Variants in MYO18B observed in about 807,000 individuals in gnomAD.
The protein encoded by MYO18B is unconventional myosin-XVIIIb.
A neutral mutation model predicts 273.0 loss-of-function variants in MYO18B; 204 were observed. The observed-to-expected ratio is 0.75, with a 90% confidence interval of 0.67 to 0.84. The LOEUF (loss-of-function observed/expected upper bound fraction) is 0.84, where lower values mean the gene tolerates loss of function less well. MYO18B is among the 40% of genes least tolerant of loss of function. The pLI is 0.00. For synonymous variants in MYO18B, 1,330 were observed against 1,305.7 expected (o/e 1.02, Z -0.40); for missense variants, 3,212 against 3,287.6 (o/e 0.98, Z 0.56).
chr22:26,044,988 G>A, the MYO18B span, among the ~76,000 whole-genome samples: 1 of 152,074 alleles, frequency 6.6e-6, no homozygotes, highest in Admixed American at 6.5e-5. Context: ...TATGCCCTTG[G>A]GTTGTCATGT....
At chr22:25,792,500 T>TC (rs1320973016) in intron 11 of MYO18B, among the ~76,000 whole-genome samples, 2 of 128,202 alleles carry the variant, frequency 1.6e-5, no homozygotes, top group South Asian at 2.8e-4. Flanking sequence ...TTCTTTTCTT[T>TC]TTTTTTTTTT....
intron 34 of MYO18B, among the ~76,000 whole-genome samples, chr22:25,931,735 T>A (rs1247442304): frequency 6.8e-6 from 1 of 146,996 alleles, no homozygotes; most frequent in Non-Finnish European, 1.5e-5. Flanking sequence ...AAGGCTAGAG[T>A]GCAGTGGCTC....
At chr22:25,783,902 A>G (rs1259051855) in intron 10 of MYO18B, among the ~76,000 whole-genome samples, 3 of 152,122 alleles carry the variant, frequency 2.0e-5, no homozygotes, top group East Asian at 1.9e-4. Flanking sequence ...TGATCCCCCA[A>G]TTACTTCCCT....
At chr22:25,828,681 C>G in intron 14 of MYO18B, 95 bp from the exon 15 acceptor site, 1 of 1,235,350 alleles carries the variant, frequency 8.1e-7, no homozygotes, top group Admixed American at 2.0e-5. Flanking sequence ...AAGAGGTGAG[C>G]TTGGTTTTGA....
At chr22:25,964,108 C>T (rs1187879278) in intron 39 of MYO18B, 1 of 152,308 alleles carries the variant, frequency 6.6e-6, no homozygotes, top group Non-Finnish European at 1.5e-5. Flanking sequence ...AAGACTGGTC[C>T]TCCTCTATCA....
chr22:25,955,279 A>G lies in MYO18B; in HGVS notation c.6071A>G (p.Tyr2024Cys). 6.2e-7 allele frequency: 1 copy of G among 1,613,628 alleles called. No individual in the cohort carries two copies. The highest frequency in any genetic ancestry group is 8.5e-7 in the Non-Finnish European group (1 of 1,179,806). ...ESQQRESSQY[Y>C]QRRLEELKAD... The stretch of plus-strand genomic sequence containing the variant: ...CAGCAGCGGGAGAGCAGCCAGTACT[A>G]CCAGCGGCGCCTGGAAGAGCTGAAG... Residue 2024 changes from tyrosine to cysteine, a missense_variant, in exon 39 of 44, where the codon TAC becomes TGC. Coordinates refer to ENST00000335473, the MANE Select transcript of MYO18B (RefSeq NM_032608.7).
intron 12 of MYO18B, among the ~76,000 whole-genome samples, chr22:25,821,767 T>TC (rs2089290677): frequency 2.0e-5 from 3 of 151,926 alleles, no homozygotes; most frequent in Admixed American, 1.3e-4. Flanking sequence ...AGAGTGAGAC[T>TC]CCATCTCAAA....
Position 25,950,535 on chromosome 22 carries a change from T to C in MYO18B, c.5832+85T>C, listed in dbSNP as rs1601664926. ...CTAATAGGATGTGTGTGTGTGTGTG[T>C]GTGTGTGTGTGTGTGTATGAGTTTA... is the stretch of plus-strand genomic sequence containing the variant. On this transcript the variant is annotated intron_variant, in intron 37 of 43. Transcript: ENST00000335473. The C allele has an allele frequency of 1.4e-5, 10 of 697,060 alleles. No individual in the cohort carries two copies. The East Asian group carries it at 2.8e-4, about 20-fold the overall frequency. 43.2% of individuals were successfully genotyped at this position (697,060 alleles called of 1,614,324 possible). A position where few individuals can be genotyped will look rare whatever the true frequency, so the allele number is the denominator to read the frequency against.
chr22:25,917,269 G>A (rs930453973), intron 33 of MYO18B, among the ~76,000 whole-genome samples: 3 of 151,968 alleles, frequency 2.0e-5, no homozygotes, highest in Admixed American at 1.3e-4. Flanking sequence ...TTCTTAATCT[G>A]TTTCTAAGAG....
intron 35 of MYO18B, among the ~76,000 whole-genome samples, chr22:25,946,972 G>A (rs761836316): frequency 5.3e-5 from 8 of 152,116 alleles, no homozygotes; most frequent in Non-Finnish European, 1.2e-4. Flanking sequence ...CCCTATCTGG[G>A]TGTACAGGGT....
Position 25,868,365 on chromosome 22 carries a change from G to T in MYO18B, c.3931G>T (p.Val1311Leu). Residue 1311 changes from valine (V) to leucine (L), a missense_variant, in exon 22 of 44, where the codon GTG becomes TTG. Transcript: ENST00000335473. ...LETLDLEKKA[V>L]AVGHSQVFLK... Reference sequence around the variant, plus strand: ...GACCCTGGATCTGGAAAAGAAGGCGGTGGCTGTGGGGCACAGCCAAGTGAG... The same window carrying T: ...GACCCTGGATCTGGAAAAGAAGGCGTTGGCTGTGGGGCACAGCCAAGTGAG... 1 of 1,601,446 alleles carries T rather than the reference G, an allele frequency of 6.2e-7. No homozygotes were observed. The highest frequency in any genetic ancestry group is 1.3e-5 in the African/African-American group (1 of 74,884).
At position 26,027,773 on chromosome 22, in the gene MYO18B, C is replaced by A; in HGVS notation, c.*12+83C>A. On this transcript the variant is annotated intron_variant, in intron 43 of 43. Transcript: ENST00000335473. This position sits in a 1 kb window ranked among gnomAD's most constrained non-coding sequence, Gnocchi z 4.1. ...GGGGAGAGCAGGTGCCACTACTGTCCTTAATGCCACAACCGATTTCTCTAG... is the reference window on the plus strand; with the variant it reads ...GGGGAGAGCAGGTGCCACTACTGTCATTAATGCCACAACCGATTTCTCTAG... 1 of 1,375,864 alleles carries A rather than the reference C, an allele frequency of 7.3e-7. No homozygotes were observed. Among genetic ancestry groups the A allele is most frequent in the Non-Finnish European group, 9.7e-7 (1 of 1,033,406 alleles). 85.2% of individuals were successfully genotyped at this position (1,375,864 alleles called of 1,614,324 possible).
chr22:25,907,962 G>C (rs931788425), intron 31 of MYO18B, among the ~76,000 whole-genome samples: 3 of 151,884 alleles, frequency 2.0e-5, no homozygotes, highest in African/African-American at 7.3e-5. Context: ...AAAGCCAGGA[G>C]GTGGAGGTTG....
intron 12 of MYO18B, among the ~76,000 whole-genome samples, chr22:25,801,514 G>A (rs570727008): frequency 4.6e-5 from 7 of 152,280 alleles, no homozygotes; most frequent in South Asian, 2.1e-4. Context: ...TAGGCTTCTC[G>A]TGAGAACTGA....
rs567600063 is a variant in MYO18B, at chr22:25,770,985, GTGAGTCCCCTGTCCCGCCGTCCCCCAGCA to G, written c.1692+17_1692+45del. ...GGTGGATGAGGAGCATGTCCATCGG[GTGAGTCCCCTGTCCCGCCGTCCCCCAGCA>G]TGAGTCCCCTGTCCCACTTCACCCC... On this transcript the variant is annotated splice_donor_variant and splice_donor_5th_base_variant and intron_variant, in intron 6 of 43. Coordinates refer to ENST00000335473, the MANE Select transcript of MYO18B (RefSeq NM_032608.7). LOFTEE classifies it high-confidence loss of function. 2,488 of 1,549,944 alleles carry G rather than the reference GTGAGTCCCCTGTCCCGCCGTCCCCCAGCA, an allele frequency of 1.6e-3. 3 individuals carry two copies. The highest frequency in any genetic ancestry group is 1.9e-3 in the Non-Finnish European group (2,231 of 1,145,222).
intron 39 of MYO18B, among the ~76,000 whole-genome samples, chr22:25,977,528 G>A (rs945915688): frequency 6.6e-6 from 1 of 152,142 alleles, no homozygotes. Flanking sequence ...GACATAGGAC[G>A]AGCATGTTTT....
chr22:26,063,475 G>C, the MYO18B span, among the ~76,000 whole-genome samples: 2 of 152,166 alleles, frequency 1.3e-5, no homozygotes, highest in Admixed American at 6.5e-5. Context: ...AGGTGGCCAA[G>C]AATACAAAAT....
At chr22:25,907,642 C>T (rs1020565805) in intron 31 of MYO18B, among the ~76,000 whole-genome samples, 1 of 152,164 alleles carries the variant, frequency 6.6e-6, no homozygotes, top group African/African-American at 2.4e-5. Flanking sequence ...TTCATGTCTT[C>T]ATACACTTTT....
downstream of MYO18B, among the ~76,000 whole-genome samples, chr22:26,031,941 G>A (rs750427236): frequency 4.7e-4 from 72 of 152,160 alleles, no homozygotes; most frequent in Non-Finnish European, 3.5e-4. Context: ...TGGGACACAC[G>A]GGGAAAGGGG....
Sources: gnomAD v4.1 joint callset for allele counts (sites outside exome capture counted in the v4.1 genomes callset) on GRCh38, gnomAD v4.1.1 for gene constraint, Gnocchi (gnomAD v3.1) non-coding constraint, MANE v1.5 for transcripts, NCBI Gene and HGNC (gene_info 2026-07-23, HGNC 2026-07-21) for gene names.